Variants in CHRNA4 observed in about 807,000 individuals in gnomAD.
CHRNA4 encodes the protein cholinergic receptor nicotinic alpha 4 subunit.
Under a neutral mutation model 48.9 loss-of-function variants are expected in CHRNA4, and 28 were observed. The ratio of observed to expected loss-of-function variants is 0.57; its 90% CI spans 0.42 to 0.79. The LOEUF (loss-of-function observed/expected upper bound fraction) is 0.79. Among genes scored for constraint, CHRNA4 ranks in the 30% least tolerant of loss-of-function variants. The pLI, the probability that CHRNA4 is intolerant of heterozygous loss-of-function variation, is 0.00. For synonymous variants in CHRNA4, 425 were observed against 402.3 expected (o/e 1.06, Z -0.68); for missense variants, 859 against 898.4 (o/e 0.96, Z 0.56).
rs2068493244 is a variant in CHRNA4 at position 63,346,275 on chromosome 20, G to A, written c.*463C>T. The A allele has an allele frequency of 2.6e-5, 12 of 453,276 alleles. No individual in the cohort carries two copies. The highest frequency in any genetic ancestry group is 1.1e-4 in the South Asian group (7 of 64,340). 28.1% of individuals were successfully genotyped at this position (453,276 alleles called of 1,614,324 possible). On this transcript the variant is annotated 3_prime_UTR_variant, in exon 6 of 6. Transcript: ENST00000370263. Reference sequence around the variant, plus strand: ...GGGAGAAGTTGAAGCCCACACAGGCGCAGGACACGGTGGGTGGGAGAGGCG... The same window carrying A: ...GGGAGAAGTTGAAGCCCACACAGGCACAGGACACGGTGGGTGGGAGAGGCG...
chr20:63,353,950 CG>C (rs1382448114), intron 4 of CHRNA4, among the ~76,000 whole-genome samples: 1 of 5,552 alleles, frequency 1.8e-4, no homozygotes, highest in Non-Finnish European at 3.8e-4. Context: ...CTGTGACCCT[CG>C]GGGGGGCTGC....
At position 63,361,208 on chromosome 20, in the gene CHRNA4, C is replaced by T; in HGVS notation, c.-43G>A. ...GGCTCTAGATGCGGGCGGCTCCCGGCTCCCCGCCGCTTCGAGGCCCGTGCG... is the reference window on the plus strand; with the variant it reads ...GGCTCTAGATGCGGGCGGCTCCCGGTTCCCCGCCGCTTCGAGGCCCGTGCG... On this transcript the variant is annotated 5_prime_UTR_variant, in exon 1 of 6. Coordinates refer to ENST00000370263, the MANE Select transcript of CHRNA4 (RefSeq NM_000744.7). 2 of 1,450,228 alleles carry T rather than the reference C, an allele frequency of 1.4e-6. No homozygotes were observed. Among genetic ancestry groups the T allele is most frequent in the South Asian group, 2.7e-5 (2 of 75,344 alleles). 89.8% of individuals were successfully genotyped at this position (1,450,228 alleles called of 1,614,324 possible).
At chr20:63,356,471 C>A in intron 2 of CHRNA4, 56 bp from the exon 3 acceptor site, 1 of 1,527,908 alleles carries the variant, frequency 6.5e-7, no homozygotes, top group Non-Finnish European at 8.9e-7. Context: ...TTCTCTGGCC[C>A]TAGGTTTCCT....
Position 63,350,438 on chromosome 20 carries a change from C to A in CHRNA4, c.973G>T (p.Val325Phe). 6.2e-7 allele frequency: 1 copy of A among 1,613,858 alleles called. No homozygotes were observed. The highest frequency in any genetic ancestry group is 8.5e-7 in the Non-Finnish European group (1 of 1,180,024). The part of the protein sequence containing the change: ...IFVTLSIVIT[V>F]FVLNVHHRSP... ...CGGTGGTGCACGTTGAGCACGAAGA[C>A]CGTGATGACGATGGACAGGGTGACG... Residue 325 changes from valine to phenylalanine, a missense_variant, in exon 5 of 6, where the codon GTC (valine) becomes TTC (phenylalanine). Val to Phe is a conservative substitution (Grantham distance 50). Transcript: ENST00000370263.
Position 63,361,254 on chromosome 20 carries a change from G to A in CHRNA4, c.-89C>T, listed in dbSNP as rs1250899864. The A allele has an allele frequency of 9.2e-6, 13 of 1,406,444 alleles. No individual in the cohort carries two copies. The highest frequency in any genetic ancestry group is 1.5e-5 in the African/African-American group (1 of 65,466). 87.1% of individuals were successfully genotyped at this position (1,406,444 alleles called of 1,614,324 possible). Reference sequence around the variant, plus strand: ...GTGCGCGCCCAACTTCATGCCTCCCGCGCCTCGCGGGCCGCTTCGGCCGCC... The same window carrying A: ...GTGCGCGCCCAACTTCATGCCTCCCACGCCTCGCGGGCCGCTTCGGCCGCC... On this transcript the variant is annotated 5_prime_UTR_variant, in exon 1 of 6. Transcript: ENST00000370263.
chr20:63,358,103 T>A (rs574978008), intron 2 of CHRNA4, among the ~76,000 whole-genome samples: 5 of 152,290 alleles, frequency 3.3e-5, no homozygotes, highest in Admixed American at 3.3e-4. Context: ...ACCCGCATTG[T>A]CTTCTGGCTG....
chr20:63,350,653 G>A lies in CHRNA4; in HGVS notation c.758C>T (p.Pro253Leu), dbSNP rs747083728. 5.6e-6 allele frequency: 9 copies of A among 1,613,956 alleles called. No individual in the cohort carries two copies. Among genetic ancestry groups the A allele is most frequent in the African/African-American group, 4.0e-5 (3 of 74,902 alleles). Reference sequence around the variant, plus strand: ...GGTGAGGCAGGAGATGAGCAGGCAGGGGATGATGAGGTTGATGGTGTAGAA... The same window carrying A: ...GGTGAGGCAGGAGATGAGCAGGCAGAGGATGATGAGGTTGATGGTGTAGAA... The part of the protein sequence containing the change: ...PLFYTINLII[P>L]CLLISCLTVL... The change falls in exon 5 of 6, where the codon CCC becomes CTC. Residue 253 changes from proline (P) to leucine (L), a missense_variant. Around this residue, in one of 3 missense-constraint regions of CHRNA4, gnomAD observed 342 missense variants for 365.3 expected, o/e 0.94. Coordinates refer to ENST00000370263, the MANE Select transcript of CHRNA4 (RefSeq NM_000744.7).
In CHRNA4 at chr20:63,344,139, C is replaced by G; in HGVS notation, c.*2599G>C. 1 of 454,098 alleles carries G rather than the reference C, an allele frequency of 2.2e-6. No homozygotes were observed. The highest frequency in any genetic ancestry group is 1.6e-5 in the South Asian group (1 of 64,476). The allele number at this position is 454,098 out of a possible 1,614,324, so 28.1% of individuals were successfully genotyped here. On this transcript the variant is annotated 3_prime_UTR_variant, in exon 6 of 6. Transcript: ENST00000370263. This position sits in a 1 kb window ranked among gnomAD's most constrained non-coding sequence, Gnocchi z 4.5. ...TCACAATTAAAAACGAAGGAACAGA[C>G]AGCAAGGAGCTACGGACACACACAA...
At position 63,344,930 on chromosome 20, in the gene CHRNA4, G is replaced by T. The variant is rs2068466499; in HGVS notation, c.*1808C>A. ...GGGGCCAGGGGGCTGGGGATGCCCA[G>T]GATTTGGCACGGGGGTCTCTGTGTC... On this transcript the variant is annotated 3_prime_UTR_variant, in exon 6 of 6. Coordinates refer to ENST00000370263, the MANE Select transcript of CHRNA4 (RefSeq NM_000744.7). The surrounding 1 kb of genome is among the most constrained non-coding windows in gnomAD (Gnocchi z 4.5). The T allele has an allele frequency of 4.9e-6, 2 of 404,226 alleles. No individual in the cohort carries two copies. The highest frequency in any genetic ancestry group is 1.0e-5 in the Non-Finnish European group (2 of 198,176). The allele number at this position is 404,226 out of a possible 1,614,324, so 25.0% of individuals were successfully genotyped here.
rs45508896 is a variant in CHRNA4 at position 63,346,462 on chromosome 20, C to T, written c.*276G>A. 6.0e-5 allele frequency: 37 copies of T among 619,930 alleles called. No individual in the cohort carries two copies. The highest frequency in any genetic ancestry group is 4.3e-4 in the Middle Eastern group (1 of 2,346). 38.4% of individuals were successfully genotyped at this position (619,930 alleles called of 1,614,324 possible). On this transcript the variant is annotated 3_prime_UTR_variant, in exon 6 of 6. Transcript: ENST00000370263. ...GGAGACTCTTGAACTGGACTTAGCC[C>T]GAGTCCTGCAGGTAGAAGGCGCCGA...
intron 4 of CHRNA4, chr20:63,355,245 G>A (rs1357611998): frequency 1.1e-5 from 4 of 347,922 alleles, no homozygotes; most frequent in Non-Finnish European, 2.3e-5. Flanking sequence ...CAAGTTAGAG[G>A]ACAGCAGCCT....
Position 63,356,452 on chromosome 20 carries a change from T to C in CHRNA4, c.229-37A>G, listed in dbSNP as rs975488347. ...AGAGAGGAAGGGGGCCAGTGACCCC[T>C]TGGTGTCTTTCTCTGGCCCTAGGTT... is the stretch of plus-strand genomic sequence containing the variant. On this transcript the variant is annotated intron_variant, in intron 2 of 5. Transcript: ENST00000370263. 4 of 1,572,306 alleles carry C rather than the reference T, an allele frequency of 2.5e-6. No homozygotes were observed. In the East Asian group the frequency reaches 7.0e-5, roughly 27 times the overall value.
intron 4 of CHRNA4, 111 bp downstream of exon 4, chr20:63,355,864 C>T (rs887475986): frequency 6.9e-5 from 100 of 1,451,744 alleles, no homozygotes; most frequent in Non-Finnish European, 9.0e-5. Context: ...GCATAGGCCC[C>T]GCTGGGCCAG....
At position 63,361,160 on chromosome 20, in the gene CHRNA4, C is replaced by A; in HGVS notation, c.6G>T (p.Glu2Asp). The change falls in exon 1 of 6, where the codon GAG (glutamate) becomes GAT (aspartate). Residue 2 changes from glutamate to aspartate, a missense_variant. Transcript: ENST00000370263. ...GCCGCGGCGCTCCGGGGCCCCCTAG[C>A]TCCATGGCGCACGCACCTCGCGGGC... M[E>D]LGGPGAPRLL... 4 of 1,480,074 alleles carry A rather than the reference C, an allele frequency of 2.7e-6. No individual in the cohort carries two copies. Among genetic ancestry groups the A allele is most frequent in the East Asian group, 5.7e-5 (2 of 34,852 alleles). The allele number at this position is 1,480,074 out of a possible 1,614,324, so 91.7% of individuals were successfully genotyped here.
At position 63,359,626 on chromosome 20, in the gene CHRNA4, CTTG is replaced by C. The variant is rs780385531; in HGVS notation, c.147_149del (p.Asn49del). 48 of 1,612,698 alleles carry C rather than the reference CTTG, an allele frequency of 3.0e-5. No individual in the cohort carries two copies. The highest frequency in any genetic ancestry group is 8.9e-5 in the East Asian group (4 of 44,886). ...AGATGTTGGCCACGGGTCGGGACCA[CTTG>C]TTGTAACCGGAGAAGAGTTTCTTCA... On this transcript the variant is annotated inframe_deletion, in exon 2 of 6. Coordinates refer to ENST00000370263, the MANE Select transcript of CHRNA4 (RefSeq NM_000744.7).
rs767271477 is a variant in CHRNA4 at position 63,350,290 on chromosome 20, G to A, written c.1121C>T (p.Ser374Phe). 2 of 1,612,732 alleles carry A rather than the reference G, an allele frequency of 1.2e-6. No homozygotes were observed. Among genetic ancestry groups the A allele is most frequent in the South Asian group, 2.2e-5 (2 of 91,050 alleles). The change falls in exon 5 of 6, where the codon TCC (serine) becomes TTC (phenylalanine). Residue 374 changes from serine (S) to phenylalanine (F), a missense_variant. Around this residue, in one of 3 missense-constraint regions of CHRNA4, gnomAD observed 478 missense variants for 455.4 expected, o/e 1.05. Coordinates refer to ENST00000370263, the MANE Select transcript of CHRNA4 (RefSeq NM_000744.7). ...CGGGGCACTGGCCATCTTATGCATG[G>A]ACTCGATGAGCCGCCGGCAATTGTC... is the stretch of plus-strand genomic sequence containing the variant. ...VKDNCRRLIE[S>F]MHKMASAPRF...
At chr20:63,348,367 T>A (rs908273974) in intron 5 of CHRNA4, among the ~76,000 whole-genome samples, 5 of 152,326 alleles carry the variant, frequency 3.3e-5, no homozygotes, top group East Asian at 1.9e-4. Flanking sequence ...CAGGCTGCTC[T>A]CGTGACCCCA....
rs1230605340 is a variant in CHRNA4 at position 63,343,573 on chromosome 20, G to A, written c.*3165C>T. 1 of 451,864 alleles carries A rather than the reference G, an allele frequency of 2.2e-6. No homozygotes were observed. The highest frequency in any genetic ancestry group is 2.4e-5 in the Admixed American group (1 of 42,430). 28.0% of individuals were successfully genotyped at this position (451,864 alleles called of 1,614,324 possible). ...AGGGAGCCTGAGTGACAACTCCGGA[G>A]GCCAGCCATTGAGAGATTACCACGC... On this transcript the variant is annotated 3_prime_UTR_variant, in exon 6 of 6. Transcript: ENST00000370263.
In CHRNA4 at chr20:63,349,725, C is replaced by T. The variant is rs78050042; in HGVS notation, c.1686G>A (p.Pro562=). The change falls in exon 5 of 6, where the codon CCG becomes CCA. Residue 562 remains proline, a synonymous_variant. Coordinates refer to ENST00000370263, the MANE Select transcript of CHRNA4 (RefSeq NM_000744.7). The part of the protein sequence containing the change: ...KAPPPHLPLS[P]ALTRAVEGVQ... Reference sequence around the variant, plus strand: ...CGCCCTCCACCGCCCGGGTCAGGGCCGGCGACAGGGGCAGGTGCGGGGGCG... The same window carrying T: ...CGCCCTCCACCGCCCGGGTCAGGGCTGGCGACAGGGGCAGGTGCGGGGGCG... The T allele has an allele frequency of 6.2e-6, 10 of 1,612,674 alleles. No individual in the cohort carries two copies. The highest frequency in any genetic ancestry group is 2.2e-5 in the South Asian group (2 of 91,086).
Sources: allele counts gnomAD v4.1 joint callset (sites outside exome capture counted in the v4.1 genomes callset), GRCh38; gene constraint gnomAD v4.1.1; regional missense constraint gnomAD v4.1.1; non-coding constraint Gnocchi (gnomAD v3.1); transcripts MANE v1.5; gene names NCBI Gene and HGNC (gene_info 2026-07-23, HGNC 2026-07-21).